PTGR1: variants seen among roughly 807,000 people sequenced by gnomAD.
The protein encoded by PTGR1 is prostaglandin reductase 1.
A neutral mutation model predicts 37.7 loss-of-function variants in PTGR1; 23 were observed. That is an observed-to-expected ratio of 0.61 (90% CI 0.44 to 0.86). PTGR1 has a LOEUF of 0.86. Ranked by LOEUF, PTGR1 falls within the 40% of genes least tolerant of loss-of-function variation. The pLI is 0.00. For missense variants in PTGR1, 351 were observed against 394.3 expected (o/e 0.89, Z 0.93); for synonymous variants, 134 against 140.0 (o/e 0.96, Z 0.30).
At chr9:111,552,493 T>G (rs1827999062) in intron 9 of PTGR1, among the ~76,000 whole-genome samples, 1 of 152,194 alleles carries the variant, frequency 6.6e-6, no homozygotes, top group Non-Finnish European at 1.5e-5. Context: ...ACATGGATGG[T>G]CTTTTGACTT....
chr9:111,581,751 T>C (rs1829286531), intron 6 of PTGR1, among the ~76,000 whole-genome samples: 1 of 152,152 alleles, frequency 6.6e-6, no homozygotes, highest in Non-Finnish European at 1.5e-5. Flanking sequence ...GCTGAGATTA[T>C]AGGCACACAG....
At chr9:111,597,766 G>A (rs1829826739) in intron 1 of PTGR1, among the ~76,000 whole-genome samples, 1 of 152,236 alleles carries the variant, frequency 6.6e-6, no homozygotes, top group Non-Finnish European at 1.5e-5. Context: ...GCCACTGCTA[G>A]GCTAGAGTTT....
intron 4 of PTGR1, among the ~76,000 whole-genome samples, chr9:111,587,935 A>C (rs1228493912): frequency 1.3e-5 from 2 of 151,904 alleles, no homozygotes; most frequent in Non-Finnish European, 2.9e-5. Context: ...TCCTAATGTT[A>C]ATTATTTTTT....
chr9:111,557,565 C>T (rs1828162556), intron 9 of PTGR1, among the ~76,000 whole-genome samples: 2 of 151,828 alleles, frequency 1.3e-5, no homozygotes, highest in Non-Finnish European at 2.9e-5. Context: ...CATGCCTCAG[C>T]CTCCCGAGTG....
At chr9:111,589,558 C>T (rs563560545) in intron 4 of PTGR1, among the ~76,000 whole-genome samples, 144 of 151,676 alleles carry the variant, frequency 9.5e-4, no homozygotes, top group African/African-American at 3.3e-3. Flanking sequence ...AAGCTGCCCC[C>T]ACTCATTATT....
intron 9 of PTGR1, among the ~76,000 whole-genome samples, chr9:111,567,105 G>A (rs576731518): frequency 1.1e-4 from 16 of 151,672 alleles, no homozygotes; most frequent in Admixed American, 2.6e-4. Flanking sequence ...AAAAAAAGTC[G>A]GGGGGCGTGG....
chr9:111,574,605 A>T (rs1455631732), intron 8 of PTGR1, 129 bp downstream of exon 8: 29 of 143,654 alleles, frequency 2.0e-4, no homozygotes, highest in Middle Eastern at 3.3e-3. Flanking sequence ...ACTCTGTCTT[A>T]AAAAAAAAAA....
At chr9:111,568,936 G>T (rs1828692053) in intron 9 of PTGR1, among the ~76,000 whole-genome samples, 1 of 152,182 alleles carries the variant, frequency 6.6e-6, no homozygotes, top group African/African-American at 2.4e-5. Flanking sequence ...AGAACCACCA[G>T]AATCTCCTTA....
downstream of PTGR1, among the ~76,000 whole-genome samples, chr9:111,561,173 G>GAGAA (rs1554816424): frequency 0.018 from 2,119 of 120,684 alleles, 148 homozygotes; most frequent in East Asian, 0.15. Context: ...GAGAGAGAGA[G>GAGAA]AGAGAAAGAG....
chr9:111,576,440 A>G, intron 7 of PTGR1: 1 of 1,613,948 alleles, frequency 6.2e-7, no homozygotes, highest in Non-Finnish European at 8.5e-7. Context: ...TCTTGTTTCA[A>G]CTGTTACACA....
At chr9:111,587,459 T>G in intron 4 of PTGR1, among the ~76,000 whole-genome samples, 1 of 152,312 alleles carries the variant, frequency 6.6e-6, no homozygotes, top group East Asian at 1.9e-4. Context: ...ATGTATTTAT[T>G]TATTTATTTT....
intron 9 of PTGR1, among the ~76,000 whole-genome samples, chr9:111,565,684 C>T (rs749310813): frequency 1.5e-4 from 23 of 152,120 alleles, no homozygotes; most frequent in Middle Eastern, 3.4e-3. Context: ...CCACTGCACC[C>T]AGCTAATTTT....
At chr9:111,551,833 T>G (rs538773631) in intron 9 of PTGR1, among the ~76,000 whole-genome samples, 6 of 152,342 alleles carry the variant, frequency 3.9e-5, no homozygotes, top group Admixed American at 1.3e-4. Context: ...TTCAGTTTAT[T>G]AGCATCAAAT....
rs528010650 is a variant in PTGR1, at chr9:111,594,075, G to A, written c.152+147C>T. The A allele has an allele frequency of 8.0e-5, 66 of 820,260 alleles. No homozygotes were observed. In the Middle Eastern group the frequency reaches 1.7e-3, roughly 21 times the overall value. 50.8% of individuals were successfully genotyped at this position (820,260 alleles called of 1,614,324 possible). A position where few individuals can be genotyped will look rare whatever the true frequency, so the allele number is the denominator to read the frequency against. On this transcript the variant is annotated intron_variant, in intron 3 of 9. Transcript: ENST00000407693. ...AGACCTTTGCCTGCAAAAGACGAGC[G>A]TGCATGAATCTTATCACTGATACTG...
chr9:111,586,782 ACTCT>A (rs35858814), intron 4 of PTGR1, among the ~76,000 whole-genome samples: 8 of 136,240 alleles, frequency 5.9e-5, no homozygotes, highest in South Asian at 4.9e-4. Context: ...TTACTTTTCC[ACTCT>A]CTCTCTCTCT....
At chr9:111,582,548 G>A (rs1829313959) in intron 6 of PTGR1, among the ~76,000 whole-genome samples, 1 of 152,064 alleles carries the variant, frequency 6.6e-6, no homozygotes, top group Non-Finnish European at 1.5e-5. Context: ...CCATACATAC[G>A]TAAAGCTTAT....
chr9:111,557,725 C>T (rs1008758266), downstream of PTGR1, among the ~76,000 whole-genome samples: 4 of 152,118 alleles, frequency 2.6e-5, no homozygotes, highest in South Asian at 2.1e-4. Flanking sequence ...ACATTGTGCC[C>T]GGCCCATTTG....
chr9:111,593,643 G>A (rs1385912582), intron 3 of PTGR1, among the ~76,000 whole-genome samples: 6 of 152,220 alleles, frequency 3.9e-5, no homozygotes, highest in East Asian at 1.9e-4. Context: ...TTACTTGCCA[G>A]TAGTGAAATG....
At chr9:111,558,019 C>T (rs576348730), downstream of PTGR1, among the ~76,000 whole-genome samples, 12 of 151,970 alleles carry the variant, frequency 7.9e-5, no homozygotes, top group East Asian at 1.9e-4. Flanking sequence ...TGGTGGTGCG[C>T]GCCTGTAGTC....
Sources: gnomAD v4.1 joint callset for allele counts (sites outside exome capture counted in the v4.1 genomes callset) on GRCh38, gnomAD v4.1.1 for gene constraint, MANE v1.5 for transcripts, NCBI Gene and HGNC (gene_info 2026-07-23, HGNC 2026-07-21) for gene names.